The following SCHIP1 variants were observed in gnomAD, a reference collection of about 807,000 sequenced individuals.
SCHIP1 encodes the protein schwannomin interacting protein 1, also known as schwannomin-interacting protein 1.
SCHIP1 carries 8 observed loss-of-function variants against 29.7 expected under a neutral mutation model. That is an observed-to-expected ratio of 0.27 (90% CI 0.16 to 0.49). The LOEUF is 0.49. SCHIP1 is among the 20% of genes least tolerant of loss of function. SCHIP1 has a pLI of 0.99. For missense variants in SCHIP1, 193 were observed against 294.6 expected, an observed-to-expected ratio of 0.66 and a Z score of 2.52; for synonymous variants, 76 against 94.9, an observed-to-expected ratio of 0.80 and a Z score of 1.16.
At chr3:159,275,224 T>G in the SCHIP1 span, 2 of 337,274 alleles carry the variant, frequency 5.9e-6, no homozygotes, top group South Asian at 1.2e-4. Flanking sequence ...GGTAGATTTA[T>G]GATTTCAGTT....
chr3:159,777,398 A>G, the SCHIP1 span, among the ~76,000 whole-genome samples: 1 of 152,188 alleles, frequency 6.6e-6, no homozygotes, highest in Non-Finnish European at 1.5e-5. Flanking sequence ...ACACCAGAGT[A>G]GCTTTTTTTT....
At chr3:159,406,692 CAT>C in the SCHIP1 span, among the ~76,000 whole-genome samples, 1 of 152,094 alleles carries the variant, frequency 6.6e-6, no homozygotes, top group African/African-American at 2.4e-5. Context: ...CTTTTCAAGA[CAT>C]AGACAGTATG....
the SCHIP1 span, among the ~76,000 whole-genome samples, chr3:159,349,209 A>AT: frequency 1.3e-5 from 2 of 152,128 alleles, no homozygotes; most frequent in Non-Finnish European, 2.9e-5. Context: ...AAGCTCATTG[A>AT]TTTTTTTACC....
At chr3:159,465,348 CGT>C in the SCHIP1 span, among the ~76,000 whole-genome samples, 79 of 145,178 alleles carry the variant, frequency 5.4e-4, no homozygotes, top group Middle Eastern at 3.5e-3. Context: ...TGTTTGTGTG[CGT>C]GTGTGTGTGT....
At chr3:159,314,869 T>C in the SCHIP1 span, among the ~76,000 whole-genome samples, 1 of 152,344 alleles carries the variant, frequency 6.6e-6, no homozygotes, top group African/African-American at 2.4e-5. Flanking sequence ...GTATGATTTT[T>C]ATGCAAATAT....
At chr3:159,570,518 A>G in the SCHIP1 span, among the ~76,000 whole-genome samples, 1 of 152,134 alleles carries the variant, frequency 6.6e-6, no homozygotes, top group Non-Finnish European at 1.5e-5. Flanking sequence ...CTGTTTTGGT[A>G]CCAGTGCCAT....
chr3:159,782,807 G>A, the SCHIP1 span, among the ~76,000 whole-genome samples: 2 of 152,330 alleles, frequency 1.3e-5, no homozygotes, highest in East Asian at 3.9e-4. Flanking sequence ...TGATTTATAT[G>A]TAGAATATGA....
the SCHIP1 span, among the ~76,000 whole-genome samples, chr3:159,496,123 A>G: frequency 6.6e-6 from 1 of 152,262 alleles, no homozygotes; most frequent in Non-Finnish European, 1.5e-5. Flanking sequence ...TTAAAGACTT[A>G]AACTTTAAAC....
chr3:159,293,861 T>C, the SCHIP1 span, among the ~76,000 whole-genome samples: 3 of 152,242 alleles, frequency 2.0e-5, no homozygotes, highest in African/African-American at 7.2e-5. Context: ...TTCAGATAAT[T>C]TTTTTCTTTA....
At chr3:159,354,184 T>G in the SCHIP1 span, among the ~76,000 whole-genome samples, 1 of 152,222 alleles carries the variant, frequency 6.6e-6, no homozygotes, top group Non-Finnish European at 1.5e-5. Context: ...CTAGATTCAC[T>G]CCATAATTTC....
the SCHIP1 span, among the ~76,000 whole-genome samples, chr3:159,317,833 A>G: frequency 6.6e-6 from 1 of 151,872 alleles, no homozygotes; most frequent in Non-Finnish European, 1.5e-5. Context: ...CATTATGTGC[A>G]GGATAGGCAA....
chr3:159,392,312 T>G, the SCHIP1 span, among the ~76,000 whole-genome samples: 1 of 152,154 alleles, frequency 6.6e-6, no homozygotes, highest in Non-Finnish European at 1.5e-5. Flanking sequence ...GCACTCTTTT[T>G]TTCCTTTTAT....
the SCHIP1 span, among the ~76,000 whole-genome samples, chr3:159,550,335 C>T: frequency 6.6e-6 from 1 of 151,996 alleles, no homozygotes; most frequent in Non-Finnish European, 1.5e-5. Flanking sequence ...AGATATCACA[C>T]TACGCTTATA....
the SCHIP1 span, among the ~76,000 whole-genome samples, chr3:159,537,650 T>C: frequency 6.6e-6 from 1 of 152,176 alleles, no homozygotes; most frequent in Non-Finnish European, 1.5e-5. Context: ...CTGATGCCCT[T>C]TTTTAATCTA....
the SCHIP1 span, among the ~76,000 whole-genome samples, chr3:159,318,404 C>T: frequency 1.3e-5 from 2 of 152,204 alleles, no homozygotes; most frequent in Non-Finnish European, 2.9e-5. Context: ...TATAATCACA[C>T]ATCTGGATAT....
At chr3:159,391,487 TG>T in the SCHIP1 span, among the ~76,000 whole-genome samples, 1 of 152,176 alleles carries the variant, frequency 6.6e-6, no homozygotes, top group Non-Finnish European at 1.5e-5. Flanking sequence ...CTAGGCGCAG[TG>T]GGGCATTTGC....
chr3:159,563,703 G>A, the SCHIP1 span, among the ~76,000 whole-genome samples: 17 of 152,094 alleles, frequency 1.1e-4, no homozygotes, highest in South Asian at 1.5e-3. Flanking sequence ...GTGCACACCC[G>A]CAGTCCCAGC....
the SCHIP1 span, among the ~76,000 whole-genome samples, chr3:159,638,566 G>T: frequency 4.6e-4 from 69 of 148,918 alleles, 1 homozygote; most frequent in East Asian, 0.013. Context: ...GACACCCAAA[G>T]CATTAAAAAA....
the SCHIP1 span, among the ~76,000 whole-genome samples, chr3:159,789,560 A>T: frequency 6.6e-6 from 1 of 152,172 alleles, no homozygotes; most frequent in East Asian, 1.9e-4. Context: ...CCCCTGGAAC[A>T]CTTGTTTGAA....
Sources: gnomAD v4.1 joint callset for allele counts (sites outside exome capture counted in the v4.1 genomes callset) on GRCh38, gnomAD v4.1.1 for gene constraint, MANE v1.5 for transcripts, NCBI Gene and HGNC (gene_info 2026-07-23, HGNC 2026-07-21) for gene names.